Variants in TENM3 observed in about 807,000 individuals in gnomAD.
TENM3 encodes teneurin transmembrane protein 3, also known as teneurin-3.
Under a neutral mutation model 255.1 loss-of-function variants are expected in TENM3, and 63 were observed. The observed-to-expected ratio is 0.25, with a 90% CI of 0.20 to 0.30. The LOEUF is 0.30. TENM3 is among the 10% of genes least tolerant of loss of function. TENM3 has a pLI of 1.00. For synonymous variants in TENM3, 1,306 were observed against 1,322.3 expected (o/e 0.99, Z 0.27); for missense variants, 2,929 against 3,461.1 (o/e 0.85, Z 3.86).
chr4:181,526,259 A>T, the TENM3 span, among the ~76,000 whole-genome samples: 1 of 139,144 alleles, frequency 7.2e-6, no homozygotes, highest in Admixed American at 7.1e-5. Flanking sequence ...TTAACAAAAG[A>T]ATCCAAATTA....
At chr4:181,668,655 G>A in the TENM3 span, among the ~76,000 whole-genome samples, 3 of 152,022 alleles carry the variant, frequency 2.0e-5, no homozygotes, top group South Asian at 6.2e-4. Flanking sequence ...CTCTACTCTA[G>A]AATGACCTCA....
intron 13 of TENM3, among the ~76,000 whole-genome samples, chr4:182,728,072 C>T (rs1005917528): frequency 6.6e-6 from 1 of 152,108 alleles, no homozygotes; most frequent in South Asian, 2.1e-4. Flanking sequence ...TGGTCTCGAA[C>T]TCCTGACCTC....
intron 3 of TENM3, among the ~76,000 whole-genome samples, chr4:182,523,468 G>A (rs994607828): frequency 2.0e-5 from 3 of 152,152 alleles, no homozygotes; most frequent in African/African-American, 7.2e-5. Context: ...ATGGGTAGGG[G>A]CAACCTTCCA....
intron 4 of TENM3, among the ~76,000 whole-genome samples, chr4:182,606,225 G>C (rs1294000787): frequency 6.6e-6 from 1 of 152,122 alleles, no homozygotes; most frequent in Non-Finnish European, 1.5e-5. Flanking sequence ...ACAATATCAA[G>C]AGAACAAGAG....
At chr4:181,563,747 A>T in the TENM3 span, among the ~76,000 whole-genome samples, 1 of 152,220 alleles carries the variant, frequency 6.6e-6, no homozygotes, top group Non-Finnish European at 1.5e-5. Flanking sequence ...ATTTAAAATG[A>T]CATATTTCCT....
chr4:182,522,126 T>G (rs976541405), intron 3 of TENM3, among the ~76,000 whole-genome samples: 1 of 152,204 alleles, frequency 6.6e-6, no homozygotes, highest in African/African-American at 2.4e-5. Context: ...GTGTAAATGA[T>G]CTAATCAGGG....
At chr4:182,162,371 A>C (rs571141701) in intron 1 of TENM3, among the ~76,000 whole-genome samples, 2 of 152,328 alleles carry the variant, frequency 1.3e-5, no homozygotes, top group Non-Finnish European at 2.9e-5. Context: ...AGAAGAAGAC[A>C]TCTATTTTAG....
chr4:181,727,822 T>A, the TENM3 span, among the ~76,000 whole-genome samples: 1 of 152,202 alleles, frequency 6.6e-6, no homozygotes, highest in African/African-American at 2.4e-5. Context: ...CTAATTAAGC[T>A]GGAGTTCAGC....
the TENM3 span, among the ~76,000 whole-genome samples, chr4:181,765,597 T>C: frequency 5.3e-5 from 8 of 152,266 alleles, no homozygotes; most frequent in South Asian, 1.7e-3. Flanking sequence ...TCAATGACTT[T>C]GGGGAAAAAA....
At chr4:182,773,792 G>T (rs1479668059) in intron 23 of TENM3, 145 bp downstream of exon 23, 3 of 622,690 alleles carry the variant, frequency 4.8e-6, no homozygotes, top group Non-Finnish European at 8.1e-6. Flanking sequence ...CAGTGTACAT[G>T]TAATATTTAT....
intron 3 of TENM3, among the ~76,000 whole-genome samples, chr4:182,450,695 A>G (rs1038231945): frequency 3.3e-5 from 5 of 152,214 alleles, no homozygotes; most frequent in Non-Finnish European, 5.9e-5. Context: ...AAGTGTTAAA[A>G]AGCTTTAAAA....
chr4:181,969,180 T>G, the TENM3 span, among the ~76,000 whole-genome samples: 1 of 152,200 alleles, frequency 6.6e-6, no homozygotes, highest in African/African-American at 2.4e-5. Context: ...ATTGTTCCAC[T>G]GCCAAACACG....
chr4:181,985,432 C>A, the TENM3 span, among the ~76,000 whole-genome samples: 1 of 151,928 alleles, frequency 6.6e-6, no homozygotes, highest in Non-Finnish European at 1.5e-5. Flanking sequence ...GTAAAATAAT[C>A]CTCATCTCTA....
chr4:182,736,288 C>G (rs369499349), intron 16 of TENM3, among the ~76,000 whole-genome samples: 16 of 152,250 alleles, frequency 1.1e-4, no homozygotes, highest in Middle Eastern at 3.4e-3. Context: ...TGGTTTAGTC[C>G]CTAAATGAGC....
At chr4:182,600,902 T>G in intron 3 of TENM3, 22 bp from the exon 4 acceptor site, 2 of 1,023,898 alleles carry the variant, frequency 2.0e-6, no homozygotes, top group Admixed American at 6.3e-5. Flanking sequence ...TCTTTCTTTT[T>G]TTTTTTTTTT....
the TENM3 span, among the ~76,000 whole-genome samples, chr4:181,984,268 A>C: frequency 2.6e-5 from 4 of 152,126 alleles, no homozygotes; most frequent in African/African-American, 9.7e-5. Flanking sequence ...TAATACAAAT[A>C]CAAATAAATA....
intron 6 of TENM3, among the ~76,000 whole-genome samples, chr4:182,669,523 G>T (rs1243200376): frequency 6.6e-6 from 1 of 151,998 alleles, no homozygotes; most frequent in Non-Finnish European, 1.5e-5. Context: ...GCCCTCCTCA[G>T]CCTCCCAAAT....
At chr4:181,649,449 G>T in the TENM3 span, among the ~76,000 whole-genome samples, 2 of 152,170 alleles carry the variant, frequency 1.3e-5, no homozygotes, top group East Asian at 3.9e-4. Context: ...TATCGGCCTA[G>T]ACTGGCAGTA....
At chr4:181,876,701 A>C in the TENM3 span, among the ~76,000 whole-genome samples, 5 of 152,184 alleles carry the variant, frequency 3.3e-5, no homozygotes, top group South Asian at 4.1e-4. Context: ...AAAATCTGTG[A>C]TTTAAAACCC....
Sources: gnomAD v4.1 joint callset for allele counts (sites outside exome capture counted in the v4.1 genomes callset) on GRCh38, gnomAD v4.1.1 for gene constraint, MANE v1.5 for transcripts, NCBI Gene and HGNC (gene_info 2026-07-23, HGNC 2026-07-21) for gene names.